Variants in PLA2G4A observed in about 807,000 individuals in gnomAD.
PLA2G4A encodes phospholipase A2 group IVA.
In PLA2G4A, 40 loss-of-function variants were observed where a neutral mutation model predicts 81.9. The ratio of observed to expected loss-of-function variants is 0.49; its 90% CI spans 0.38 to 0.64. The LOEUF (loss-of-function observed/expected upper bound fraction) is 0.64. PLA2G4A is among the 30% of genes least tolerant of loss of function. The pLI, the probability that PLA2G4A is intolerant of heterozygous loss-of-function variation, is 0.00. For synonymous variants in PLA2G4A, 302 were observed against 296.9 expected (o/e 1.02, Z -0.18); for missense variants, 715 against 905.1 (o/e 0.79, Z 2.69).
intron 15 of PLA2G4A, among the ~76,000 whole-genome samples, chr1:186,974,531 T>A (rs773493894): frequency 8.5e-5 from 13 of 152,278 alleles, no homozygotes; most frequent in Middle Eastern, 3.4e-3. Context: ...TCTTACGAAG[T>A]ATCTCTTTGA....
intron 15 of PLA2G4A, among the ~76,000 whole-genome samples, chr1:186,976,365 C>T (rs12131535): frequency 0.17 from 26,284 of 152,152 alleles, 2,973 homozygotes; most frequent in Admixed American, 0.25. Context: ...CTTTCTTTAT[C>T]CTCTTTTGTT....
intron 5 of PLA2G4A, among the ~76,000 whole-genome samples, chr1:186,899,659 C>T (rs1048471951): frequency 9.2e-5 from 14 of 152,114 alleles, no homozygotes; most frequent in Non-Finnish European, 1.8e-4. Context: ...ATCTTACTTA[C>T]AGTAGTGGGT....
intron 10 of PLA2G4A, among the ~76,000 whole-genome samples, chr1:186,946,117 T>A (rs1191466425): frequency 6.6e-6 from 1 of 152,174 alleles, no homozygotes; most frequent in Non-Finnish European, 1.5e-5. Flanking sequence ...TATTACCATG[T>A]TTTTCTAAGG....
chr1:186,980,165 T>A (rs560102133), intron 17 of PLA2G4A, among the ~76,000 whole-genome samples: 2 of 152,036 alleles, frequency 1.3e-5, no homozygotes, highest in South Asian at 4.1e-4. Context: ...AGTCTCCATC[T>A]CCTGACCTCG....
chr1:186,903,437 C>T (rs1307106220), intron 5 of PLA2G4A, among the ~76,000 whole-genome samples: 1 of 152,076 alleles, frequency 6.6e-6, no homozygotes, highest in Non-Finnish European at 1.5e-5. Flanking sequence ...AGCAGGGGTC[C>T]CCAACCCCTG....
At chr1:186,975,565 G>A (rs915398269) in intron 15 of PLA2G4A, among the ~76,000 whole-genome samples, 10 of 152,194 alleles carry the variant, frequency 6.6e-5, no homozygotes, top group African/African-American at 9.7e-5. Flanking sequence ...TGAGAAAGGC[G>A]ATGGTATTAG....
intron 2 of PLA2G4A, among the ~76,000 whole-genome samples, chr1:186,865,319 G>A (rs1652986064): frequency 6.6e-6 from 1 of 151,972 alleles, no homozygotes; most frequent in Non-Finnish European, 1.5e-5. Flanking sequence ...TTTAAAAAAA[G>A]ATTAGATAGT....
intron 2 of PLA2G4A, among the ~76,000 whole-genome samples, chr1:186,865,541 G>C (rs77897442): frequency 1.3e-5 from 2 of 152,134 alleles, no homozygotes; most frequent in African/African-American, 4.8e-5. Flanking sequence ...CCTATTGCCA[G>C]TTGTGGTGAT....
intron 1 of PLA2G4A, among the ~76,000 whole-genome samples, chr1:186,831,579 T>A (rs912218520): frequency 2.6e-5 from 4 of 152,184 alleles, no homozygotes; most frequent in Non-Finnish European, 5.9e-5. Flanking sequence ...CTACTTTTAT[T>A]CCAAAATTCC....
chr1:186,949,323 G>A (rs1354002431), intron 12 of PLA2G4A, among the ~76,000 whole-genome samples: 1 of 124,662 alleles, frequency 8.0e-6, no homozygotes, highest in African/African-American at 3.0e-5. Flanking sequence ...AAGAAGGAAG[G>A]AAGGAAGGAA....
chr1:186,855,040 G>C (rs1002841373), intron 2 of PLA2G4A, among the ~76,000 whole-genome samples: 1 of 151,788 alleles, frequency 6.6e-6, no homozygotes, highest in East Asian at 1.9e-4. Flanking sequence ...ATTTTTACTT[G>C]AAATAAAATG....
intron 1 of PLA2G4A, among the ~76,000 whole-genome samples, chr1:186,837,545 C>T (rs1473602048): frequency 4.5e-4 from 68 of 150,154 alleles, no homozygotes; most frequent in Middle Eastern, 3.4e-3. Context: ...CTGGCTCACA[C>T]GGTGAAACCC....
At chr1:186,961,644 A>T (rs963111425) in intron 14 of PLA2G4A, among the ~76,000 whole-genome samples, 27 of 152,218 alleles carry the variant, frequency 1.8e-4, no homozygotes, top group African/African-American at 4.6e-4. Flanking sequence ...AAGAAAGGAT[A>T]AAAGGATACT....
At chr1:186,847,045 A>G (rs1042342759) in intron 1 of PLA2G4A, among the ~76,000 whole-genome samples, 4 of 152,014 alleles carry the variant, frequency 2.6e-5, no homozygotes, top group Non-Finnish European at 5.9e-5. Context: ...TAAATGCTAT[A>G]TCTTTTAAAG....
intron 15 of PLA2G4A, among the ~76,000 whole-genome samples, chr1:186,966,405 T>C (rs1042812172): frequency 6.6e-6 from 1 of 152,122 alleles, no homozygotes; most frequent in Non-Finnish European, 1.5e-5. Flanking sequence ...GGGAACAGTA[T>C]TGAAATGTCT....
At chr1:186,981,257 C>T (rs886081646) in intron 17 of PLA2G4A, among the ~76,000 whole-genome samples, 2 of 152,108 alleles carry the variant, frequency 1.3e-5, no homozygotes, top group Non-Finnish European at 2.9e-5. Flanking sequence ...ATACAAATAC[C>T]ATGTTGGACT....
chr1:186,950,601 T>G, intron 12 of PLA2G4A, 56 bp from the exon 13 acceptor site: 2 of 936,364 alleles, frequency 2.1e-6, no homozygotes, highest in Admixed American at 1.7e-5. Flanking sequence ...TATATTAAAA[T>G]TAATTGTTAA....
At chr1:186,886,871 T>C (rs16826065) in intron 3 of PLA2G4A, among the ~76,000 whole-genome samples, 2,429 of 152,290 alleles carry the variant, frequency 0.016, 72 homozygotes, top group African/African-American at 0.056. Flanking sequence ...AATTTTTCTG[T>C]GGGTGTTATT....
chr1:186,839,146 A>G (rs940293074), intron 1 of PLA2G4A, among the ~76,000 whole-genome samples: 3 of 152,216 alleles, frequency 2.0e-5, no homozygotes, highest in East Asian at 1.9e-4. Flanking sequence ...GTTTTACACA[A>G]ATGAAGGCCA....
Sources: allele counts gnomAD v4.1 joint callset (sites outside exome capture counted in the v4.1 genomes callset), GRCh38; gene constraint gnomAD v4.1.1; transcripts MANE v1.5; gene names NCBI Gene and HGNC (gene_info 2026-07-23, HGNC 2026-07-21).